The following COL4A6 variants were observed in gnomAD, a reference collection of about 807,000 sequenced individuals.
COL4A6 encodes collagen alpha-6(IV) chain.
Under a neutral mutation model 126.7 loss-of-function variants are expected in COL4A6, and 59 were observed. That is an observed-to-expected ratio of 0.47 (90% CI 0.38 to 0.58). COL4A6 has a LOEUF of 0.58. Ranked by LOEUF, COL4A6 falls within the 20% of genes least tolerant of loss-of-function variation. The probability of loss-of-function intolerance (pLI) is 0.00; values close to 1 mark genes in which losing one functional copy is unlikely to be tolerated. For missense variants in COL4A6, 1,285 were observed against 1,337.3 expected, an observed-to-expected ratio of 0.96 and a Z score of 0.61; for synonymous variants, 547 against 496.6, an observed-to-expected ratio of 1.10 and a Z score of -1.35.
At chrX:108,202,856 T>G in intron 13 of COL4A6, 72 bp downstream of exon 13, 7 of 870,379 alleles carry the variant, frequency 8.0e-6, no homozygotes, top group Non-Finnish European at 1.0e-5. Flanking sequence ...GGTCTTTCTG[T>G]TAGCCTTCTA....
intron 2 of COL4A6, among the ~76,000 whole-genome samples, chrX:108,377,128 G>GAACAAACAAACTGAA: frequency 8.9e-6 from 1 of 112,675 alleles, no homozygotes; most frequent in Non-Finnish European, 1.9e-5. Flanking sequence ...GTAAGAAAAC[G>GAACAAACAAACTGAA]CGTGAACAAA....
intron 2 of COL4A6, among the ~76,000 whole-genome samples, chrX:108,365,778 T>C (rs2040186039): frequency 8.9e-6 from 1 of 111,746 alleles, no homozygotes; most frequent in Non-Finnish European, 1.9e-5. Flanking sequence ...AATAGTCAGG[T>C]GTGAGGATCA....
At chrX:108,177,114 G>T in intron 27 of COL4A6, 103 bp from the exon 28 acceptor site, 1 of 802,918 alleles carries the variant, frequency 1.2e-6, no homozygotes, top group Non-Finnish European at 1.8e-6. Context: ...TGGCTTGTTA[G>T]GTTTTGTAAA....
intron 2 of COL4A6, among the ~76,000 whole-genome samples, chrX:108,432,062 T>A (rs2147398470): frequency 8.9e-6 from 1 of 112,773 alleles, no homozygotes; most frequent in East Asian, 2.8e-4. Flanking sequence ...TATACGGTGG[T>A]CACCTATGGT....
intron 32 of COL4A6, 118 bp downstream of exon 32, chrX:108,172,351 C>A: frequency 4.8e-6 from 2 of 420,153 alleles, no homozygotes; most frequent in South Asian, 1.2e-4. Flanking sequence ...CAGAGCGAGA[C>A]TCTGCCTAAA....
At chrX:108,160,209 TGATA>T (rs1435329386) in intron 43 of COL4A6, among the ~76,000 whole-genome samples, 2 of 112,326 alleles carry the variant, frequency 1.8e-5, no homozygotes, top group Non-Finnish European at 3.8e-5. Context: ...CCAGCGTGTG[TGATA>T]GATACTAGAA....
rs773814882 is a variant in COL4A6, at chrX:108,365,947, G to A, written c.64-55119C>T. 7.2e-5 allele frequency among the ~76,000 whole-genome samples: 8 copies of A among 111,469 alleles called. No individual in the cohort carries two copies. In the East Asian group the frequency reaches 2.3e-3, roughly 32 times the overall value. On this transcript the variant is annotated intron_variant, in intron 2 of 44. Transcript: ENST00000334504. ...AAAGCAGGAAAAAGAGTATCTCCAG[G>A]AGAGTAAGAAAACCACAGAAATGGA...
intron 36 of COL4A6, 113 bp downstream of exon 36, chrX:108,169,832 G>C: frequency 5.9e-6 from 5 of 845,800 alleles, no homozygotes; most frequent in Non-Finnish European, 8.4e-6. Flanking sequence ...TTAATAAGGA[G>C]AGCTATGAGT....
rs754437770 is a variant in COL4A6, at chrX:108,265,853, T to C, written c.145-44479A>G. Among the ~76,000 whole-genome samples, 4 of 110,522 alleles carry C rather than the reference T, an allele frequency of 3.6e-5. No homozygotes were observed. In the Admixed American group the frequency reaches 3.9e-4, roughly 11 times the overall value. ...ATGATGAAGAGTTTGGACTTTATCC[T>C]GAAGGAAGTGGGAAACCACTGAAGG... On this transcript the variant is annotated intron_variant, in intron 3 of 44. Coordinates refer to ENST00000334504, the MANE Select transcript of COL4A6 (RefSeq NM_033641.4).
intron 2 of COL4A6, among the ~76,000 whole-genome samples, chrX:108,414,330 A>G (rs2041390790): frequency 9.0e-6 from 1 of 111,586 alleles, no homozygotes; most frequent in African/African-American, 3.3e-5. Context: ...ATTTTGCTCA[A>G]TGGACCACAC....
chrX:108,288,743 C>T (rs2038078655), intron 3 of COL4A6, among the ~76,000 whole-genome samples: 1 of 110,620 alleles, frequency 9.0e-6, no homozygotes, highest in African/African-American at 3.3e-5. Flanking sequence ...AAAGAAGCTT[C>T]TCCTGGAACT....
At chrX:108,270,203 T>C (rs1303675450) in intron 3 of COL4A6, among the ~76,000 whole-genome samples, 1 of 112,146 alleles carries the variant, frequency 8.9e-6, no homozygotes, top group Non-Finnish European at 1.9e-5. Flanking sequence ...GTGTGGCAAA[T>C]TGCATTACTG....
At chrX:108,300,593 AT>A (rs1293344324) in intron 3 of COL4A6, among the ~76,000 whole-genome samples, 1 of 110,988 alleles carries the variant, frequency 9.0e-6, no homozygotes, top group African/African-American at 3.3e-5. Context: ...CTAAAGAAAT[AT>A]TTTTTGTCAT....
At chrX:108,398,547 G>T (rs1016508617) in intron 2 of COL4A6, among the ~76,000 whole-genome samples, 1 of 110,668 alleles carries the variant, frequency 9.0e-6, no homozygotes, top group Non-Finnish European at 1.9e-5. Flanking sequence ...CCTTGTTCTG[G>T]GTGGTAGTTA....
chrX:108,413,779 G>T (rs1458243781), intron 2 of COL4A6, among the ~76,000 whole-genome samples: 1 of 111,980 alleles, frequency 8.9e-6, no homozygotes, highest in Non-Finnish European at 1.9e-5. Context: ...TGGTACTCTG[G>T]AGAGTCACAA....
rs141389318 is a variant in COL4A6, at chrX:108,182,687, G to A, written c.1952-1719C>T. ...GAATTTCCTCCAGAGGGTGTATCAT[G>A]AGAGGGATCCTGCAAAAGACTCTCC... On this transcript the variant is annotated intron_variant, in intron 23 of 44. Transcript: ENST00000334504. Among the ~76,000 whole-genome samples, 551 of 112,356 alleles carry A rather than the reference G, an allele frequency of 4.9e-3. 3 individuals are homozygous for A. The highest frequency in any genetic ancestry group is 0.017 in the African/African-American group (537 of 30,965).
At chrX:108,305,238 AG>A (rs1334122954) in intron 3 of COL4A6, among the ~76,000 whole-genome samples, 1 of 112,339 alleles carries the variant, frequency 8.9e-6, no homozygotes, top group East Asian at 2.8e-4. Flanking sequence ...TATATGTAGA[AG>A]GGGTGGCAAG....
chrX:108,380,482 C>T (rs191845078), intron 2 of COL4A6, among the ~76,000 whole-genome samples: 49 of 112,167 alleles, frequency 4.4e-4, no homozygotes, highest in South Asian at 1.1e-3. Context: ...CACATTGAAC[C>T]TAGGAGCTTT....
intron 44 of COL4A6, 83 bp from the exon 45 acceptor site, chrX:108,157,343 G>C: frequency 8.9e-7 from 1 of 1,121,592 alleles, no homozygotes; most frequent in Admixed American, 2.5e-5. Context: ...ACTGCTACAG[G>C]GGCACATGAG....
Sources: allele counts gnomAD v4.1 joint callset (sites outside exome capture counted in the v4.1 genomes callset), GRCh38; gene constraint gnomAD v4.1.1; transcripts MANE v1.5; gene names NCBI Gene and HGNC (gene_info 2026-07-23, HGNC 2026-07-21).